AMOTL1: variants seen among roughly 807,000 people sequenced by gnomAD.
AMOTL1 encodes the protein angiomotin-like protein 1.
In AMOTL1, 45 loss-of-function variants were observed where a neutral mutation model predicts 102.9. That is an observed-to-expected ratio of 0.44 (90% CI 0.34 to 0.56). The LOEUF is 0.56. AMOTL1 is among the 20% of genes least tolerant of loss of function. The probability of loss-of-function intolerance (pLI) is 0.01; values close to 1 mark genes in which losing one functional copy is unlikely to be tolerated. For missense variants in AMOTL1, 1,114 were observed against 1,225.6 expected (o/e 0.91, Z 1.36); for synonymous variants, 481 against 484.7 (o/e 0.99, Z 0.10).
chr11:94,740,896 T>A (rs752634733), intron 2 of AMOTL1: 18 of 1,285,398 alleles, frequency 1.4e-5, no homozygotes, highest in African/African-American at 3.0e-5. Flanking sequence ...TCGTCCTGAA[T>A]GGTAGCGATT....
chr11:94,709,756 TGA>T (rs1949991456), intron 1 of AMOTL1, among the ~76,000 whole-genome samples: 1 of 152,064 alleles, frequency 6.6e-6, no homozygotes, highest in Non-Finnish European at 1.5e-5. Context: ...CATAGAACAT[TGA>T]GAGATAATAA....
chr11:94,749,529 C>T (rs1950626970), intron 3 of AMOTL1, among the ~76,000 whole-genome samples: 1 of 152,176 alleles, frequency 6.6e-6, no homozygotes, highest in Admixed American at 6.5e-5. Flanking sequence ...CATGTCGACA[C>T]CTAAAACTAA....
At chr11:94,715,958 G>C (rs947705416) in intron 1 of AMOTL1, among the ~76,000 whole-genome samples, 5 of 152,070 alleles carry the variant, frequency 3.3e-5, no homozygotes, top group African/African-American at 1.2e-4. Flanking sequence ...CAGCAACACA[G>C]TATATTTCTT....
At chr11:94,811,686 GAAAC>G (rs1455862170) in intron 3 of AMOTL1, among the ~76,000 whole-genome samples, 13 of 151,978 alleles carry the variant, frequency 8.6e-5, no homozygotes, top group East Asian at 5.8e-4. Context: ...AACAACAACA[GAAAC>G]AAACAAGCAA....
intron 1 of AMOTL1, among the ~76,000 whole-genome samples, chr11:94,716,780 A>C (rs80327800): frequency 0.017 from 2,619 of 152,170 alleles, 74 homozygotes; most frequent in African/African-American, 0.06. Flanking sequence ...GGTGGAACCC[A>C]CCACCATTCT....
At chr11:94,730,184 CA>C (rs1396026250) in intron 2 of AMOTL1, among the ~76,000 whole-genome samples, 8 of 152,176 alleles carry the variant, frequency 5.3e-5, no homozygotes, top group Admixed American at 5.2e-4. Flanking sequence ...TAGTTCAACA[CA>C]CAGCCCTTCC....
chr11:94,852,232 G>A (rs372857471), intron 7 of AMOTL1, among the ~76,000 whole-genome samples: 4 of 152,324 alleles, frequency 2.6e-5, no homozygotes, highest in African/African-American at 9.6e-5. Flanking sequence ...TCAATCCCAA[G>A]AACAGGTGTA....
intron 1 of AMOTL1, among the ~76,000 whole-genome samples, chr11:94,779,324 G>A (rs564459305): frequency 6.6e-6 from 1 of 152,154 alleles, no homozygotes; most frequent in Non-Finnish European, 1.5e-5. Context: ...CCTGCCTTAT[G>A]TAACATTTTC....
At chr11:94,808,637 T>TG (rs942701100) in intron 3 of AMOTL1, among the ~76,000 whole-genome samples, 1 of 152,218 alleles carries the variant, frequency 6.6e-6, no homozygotes, top group African/African-American at 2.4e-5. Context: ...GTTGCTCTGA[T>TG]GCTCACTGAA....
chr11:94,749,303 C>T (rs753462716), intron 3 of AMOTL1, among the ~76,000 whole-genome samples: 6 of 152,204 alleles, frequency 3.9e-5, no homozygotes, highest in Non-Finnish European at 7.3e-5. Context: ...AGAAGAAGAG[C>T]GTCCCAGCTC....
intron 4 of AMOTL1, among the ~76,000 whole-genome samples, chr11:94,823,960 C>A (rs1369480989): frequency 6.6e-6 from 1 of 151,922 alleles, no homozygotes; most frequent in African/African-American, 2.4e-5. Flanking sequence ...ACCTCGTGAT[C>A]CGCCCACCTC....
In AMOTL1 at chr11:94,815,028, A is replaced by G. The variant is rs1951742305; in HGVS notation, c.1122-6502A>G. 3.3e-5 allele frequency among the ~76,000 whole-genome samples: 5 copies of G among 152,344 alleles called. 1 individual carries two copies. In the South Asian group the frequency reaches 1.0e-3, roughly 32 times the overall value. ...ACTTTTTACAATCCAGCCACCAGAA[A>G]AAAGTAGACTTTGAGCCAAATGCTT... is the stretch of plus-strand genomic sequence containing the variant. On this transcript the variant is annotated intron_variant, in intron 3 of 12. Coordinates refer to ENST00000433060, the MANE Select transcript of AMOTL1 (RefSeq NM_130847.3).
At chr11:94,809,906 A>C (rs1951641155) in intron 3 of AMOTL1, among the ~76,000 whole-genome samples, 1 of 152,220 alleles carries the variant, frequency 6.6e-6, no homozygotes, top group African/African-American at 2.4e-5. Flanking sequence ...AAGCCAATTA[A>C]TTAGAGCTTT....
intron 3 of AMOTL1, among the ~76,000 whole-genome samples, chr11:94,755,943 G>A (rs1950718588): frequency 6.6e-6 from 1 of 152,150 alleles, no homozygotes; most frequent in South Asian, 2.1e-4. Flanking sequence ...AGAAAAATTG[G>A]ATCACACGTG....
intron 2 of AMOTL1, among the ~76,000 whole-genome samples, chr11:94,733,044 T>C (rs1052505173): frequency 2.1e-4 from 32 of 152,276 alleles, no homozygotes; most frequent in Admixed American, 2.0e-3. Flanking sequence ...CAAACCCTTA[T>C]TGAAATCTTG....
chr11:94,743,807 C>G (rs146088490), intron 3 of AMOTL1, among the ~76,000 whole-genome samples: 5 of 151,724 alleles, frequency 3.3e-5, no homozygotes, highest in East Asian at 3.9e-4. Flanking sequence ...TACAGGTGCC[C>G]GCCACCATGC....
At chr11:94,859,853 G>T in intron 9 of AMOTL1, 138 bp downstream of exon 9, 1 of 936,342 alleles carries the variant, frequency 1.1e-6, no homozygotes, top group South Asian at 3.1e-5. Context: ...TAGTTACAGT[G>T]CTAGTTGGAG....
chr11:94,783,538 C>A (rs1380828568), intron 1 of AMOTL1, among the ~76,000 whole-genome samples: 1 of 152,068 alleles, frequency 6.6e-6, no homozygotes, highest in African/African-American at 2.4e-5. Flanking sequence ...TTGCTTTAGA[C>A]AGATTTTTTA....
rs116267463 is a variant in AMOTL1, at chr11:94,844,623, A to T, written c.1649-5491A>T. Among the ~76,000 whole-genome samples, 146 of 152,360 alleles carry T rather than the reference A, an allele frequency of 9.6e-4. 1 individual carries two copies. The highest frequency in any genetic ancestry group is 3.2e-3 in the African/African-American group (133 of 41,596). Reference sequence around the variant, plus strand: ...GGCAGAAGTGATCCCATGAGACAGAATCAAGCAGAACTCATTTTTTAAATC... The same window carrying T: ...GGCAGAAGTGATCCCATGAGACAGATTCAAGCAGAACTCATTTTTTAAATC... On this transcript the variant is annotated intron_variant, in intron 6 of 12. Coordinates refer to ENST00000433060, the MANE Select transcript of AMOTL1 (RefSeq NM_130847.3).
Sources: gnomAD v4.1 joint callset for allele counts (sites outside exome capture counted in the v4.1 genomes callset) on GRCh38, gnomAD v4.1.1 for gene constraint, MANE v1.5 for transcripts, NCBI Gene and HGNC (gene_info 2026-07-23, HGNC 2026-07-21) for gene names.